The following BRINP3 variants were observed in gnomAD, a reference collection of about 807,000 sequenced individuals.
BRINP3 encodes BMP/retinoic acid inducible neural specific 3, also known as BMP/retinoic acid-inducible neural-specific protein 3.
In BRINP3, 19 loss-of-function variants were observed where a neutral mutation model predicts 71.0. The ratio of observed to expected loss-of-function variants is 0.27; its 90% CI spans 0.19 to 0.39. The LOEUF is 0.39. Ranked by LOEUF, BRINP3 falls within the 10% of genes least tolerant of loss-of-function variation. The pLI is 1.00. For synonymous variants in BRINP3, 380 were observed against 337.7 expected (o/e 1.13, Z -1.37); for missense variants, 959 against 940.8 (o/e 1.02, Z -0.25).
intron 2 of BRINP3, among the ~76,000 whole-genome samples, chr1:190,384,995 C>T (rs1164690430): frequency 6.8e-6 from 1 of 146,288 alleles, no homozygotes; most frequent in Non-Finnish European, 1.5e-5. Flanking sequence ...ATAAATGGTG[C>T]TGGGAAAACT....
At chr1:190,428,012 A>G (rs1673837482) in intron 2 of BRINP3, among the ~76,000 whole-genome samples, 1 of 151,734 alleles carries the variant, frequency 6.6e-6, no homozygotes, top group Non-Finnish European at 1.5e-5. Flanking sequence ...TTCTGTTCCT[A>G]TGTGACTTTG....
intron 2 of BRINP3, among the ~76,000 whole-genome samples, chr1:190,387,866 T>C (rs2102288179): frequency 1.3e-5 from 2 of 151,982 alleles, no homozygotes; most frequent in East Asian, 3.9e-4. Context: ...ATTTTATTCT[T>C]GAATATCTAA....
chr1:190,277,115 A>ATATT (rs1553276697), intron 3 of BRINP3, among the ~76,000 whole-genome samples: 7 of 129,284 alleles, frequency 5.4e-5, no homozygotes, highest in African/African-American at 1.9e-4. Flanking sequence ...ATATATATAT[A>ATATT]TATTTATATT....
intron 2 of BRINP3, among the ~76,000 whole-genome samples, chr1:190,317,170 T>TA (rs1665940105): frequency 2.1e-5 from 2 of 96,316 alleles, no homozygotes; most frequent in Non-Finnish European, 2.0e-5. Flanking sequence ...AGAGTCCATC[T>TA]CAAAAAAAAA....
At chr1:190,258,720 A>T (rs1660898376) in intron 4 of BRINP3, among the ~76,000 whole-genome samples, 1 of 152,208 alleles carries the variant, frequency 6.6e-6, no homozygotes, top group East Asian at 1.9e-4. Context: ...TTCTTAAGTG[A>T]TGACCTTGAT....
rs773767434 is a variant in BRINP3 at position 190,160,648 on chromosome 1, C to T, written c.1184+20G>A. 1 of 1,597,988 alleles carries T rather than the reference C, an allele frequency of 6.3e-7. No individual in the cohort carries two copies. The highest frequency in any genetic ancestry group is 1.7e-5 in the Admixed American group (1 of 57,204). On this transcript the variant is annotated intron_variant, in intron 7 of 7. Transcript: ENST00000367462. ...TTTCGGCAATAAACTTAATTGCTTA[C>T]ATTACCACAAATGTCTTACCTTTGT...
chr1:190,394,543 T>A (rs975322553), intron 2 of BRINP3, among the ~76,000 whole-genome samples: 5 of 151,496 alleles, frequency 3.3e-5, no homozygotes, highest in African/African-American at 9.7e-5. Flanking sequence ...CAAATAGTAG[T>A]TTCATGGATC....
At chr1:190,195,085 C>T (rs995829150) in intron 6 of BRINP3, among the ~76,000 whole-genome samples, 3 of 151,630 alleles carry the variant, frequency 2.0e-5, no homozygotes, top group Admixed American at 6.6e-5. Context: ...TCAATACGGC[C>T]TATGATATCG....
intron 7 of BRINP3, among the ~76,000 whole-genome samples, chr1:190,141,104 C>G (rs1655395321): frequency 6.6e-6 from 1 of 152,044 alleles, no homozygotes; most frequent in African/African-American, 2.4e-5. Context: ...TGCCATGTTT[C>G]TTTAAATGAG....
chr1:190,123,483 C>T (rs1014133868), intron 7 of BRINP3, among the ~76,000 whole-genome samples: 3 of 152,092 alleles, frequency 2.0e-5, no homozygotes, highest in African/African-American at 7.2e-5. Context: ...TCCTTTCTAT[C>T]CATTCAGGTT....
At chr1:190,157,348 A>C (rs1014304449) in intron 7 of BRINP3, among the ~76,000 whole-genome samples, 5 of 151,934 alleles carry the variant, frequency 3.3e-5, no homozygotes, top group African/African-American at 1.2e-4. Context: ...CGCAGTTCAA[A>C]CTCGTGTTGT....
intron 2 of BRINP3, among the ~76,000 whole-genome samples, chr1:190,289,907 C>T (rs1185865777): frequency 6.6e-6 from 1 of 151,902 alleles, no homozygotes; most frequent in Non-Finnish European, 1.5e-5. Context: ...ATTCATGTTT[C>T]ATGTAGATGT....
chr1:190,195,144 G>A (rs1654368173), intron 6 of BRINP3, among the ~76,000 whole-genome samples: 2 of 152,014 alleles, frequency 1.3e-5, no homozygotes, highest in South Asian at 4.1e-4. Flanking sequence ...GCAATCACAA[G>A]TAAATATATC....
chr1:190,456,371 G>A (rs561367889), intron 1 of BRINP3, among the ~76,000 whole-genome samples: 24 of 152,234 alleles, frequency 1.6e-4, no homozygotes, highest in Admixed American at 5.2e-4. Flanking sequence ...GGATTAAAGC[G>A]TACCGTCTTT....
chr1:190,420,980 C>T (rs1200455005), intron 2 of BRINP3, among the ~76,000 whole-genome samples: 2 of 151,732 alleles, frequency 1.3e-5, no homozygotes, highest in Non-Finnish European at 3.0e-5. Flanking sequence ...TTTCTTGACC[C>T]TATGACTTTA....
At chr1:190,166,374 C>T (rs151297741) in intron 6 of BRINP3, among the ~76,000 whole-genome samples, 1 of 152,284 alleles carries the variant, frequency 6.6e-6, no homozygotes, top group East Asian at 1.9e-4. Flanking sequence ...CATTTCAATA[C>T]ATCAAGCCAA....
intron 2 of BRINP3, among the ~76,000 whole-genome samples, chr1:190,430,524 T>G (rs1217250878): frequency 6.6e-6 from 1 of 152,088 alleles, no homozygotes; most frequent in South Asian, 2.1e-4. Context: ...CTAAGCCAGA[T>G]GGTAAAGTTC....
Position 190,234,103 on chromosome 1 carries a change from TA to T in BRINP3, c.724+268del, listed in dbSNP as rs1658278694. 2.0e-5 allele frequency among the ~76,000 whole-genome samples: 3 copies of T among 152,248 alleles called. No homozygotes were observed. The South Asian group carries it at 6.2e-4, about 32-fold the overall frequency. On this transcript the variant is annotated intron_variant, in intron 5 of 7. Transcript: ENST00000367462. ...AACTGCTACATAATGACACAATGAT[TA>T]CTATACGTAAGAAAAATATTATTAG...
chr1:190,421,171 A>G (rs369183729), intron 2 of BRINP3, among the ~76,000 whole-genome samples: 6 of 151,786 alleles, frequency 4.0e-5, no homozygotes, highest in African/African-American at 1.4e-4. Flanking sequence ...CTCCATATGT[A>G]TTCACAACAA....
Sources: gnomAD v4.1 joint callset for allele counts (sites outside exome capture counted in the v4.1 genomes callset) on GRCh38, gnomAD v4.1.1 for gene constraint, MANE v1.5 for transcripts, NCBI Gene and HGNC (gene_info 2026-07-23, HGNC 2026-07-21) for gene names.